TRHDE: variants seen among roughly 807,000 people sequenced by gnomAD.
The protein encoded by TRHDE is thyrotropin releasing hormone degrading enzyme.
A neutral mutation model predicts 125.7 loss-of-function variants in TRHDE; 72 were observed. That is an observed-to-expected ratio of 0.57 (90% CI 0.47 to 0.70). The LOEUF is 0.70. Among genes scored for constraint, TRHDE ranks in the 30% least tolerant of loss-of-function variants. The probability of loss-of-function intolerance (pLI) is 0.00; values close to 1 mark genes in which losing one functional copy is unlikely to be tolerated. For synonymous variants in TRHDE, 509 were observed against 509.1 expected, an observed-to-expected ratio of 1.00 and a Z score of 0.00; for missense variants, 1,110 against 1,327.1, an observed-to-expected ratio of 0.84 and a Z score of 2.54.
At chr12:72,224,858 A>G (rs1157772957) in intron 2 of TRHDE, among the ~76,000 whole-genome samples, 3 of 152,184 alleles carry the variant, frequency 2.0e-5, no homozygotes, top group African/African-American at 7.2e-5. Flanking sequence ...ATGCAACTAC[A>G]CAAATAGTTA....
intron 15 of TRHDE, among the ~76,000 whole-genome samples, chr12:72,641,162 A>T (rs1040235645): frequency 4.6e-5 from 7 of 152,210 alleles, no homozygotes; most frequent in African/African-American, 1.7e-4. Flanking sequence ...TTAGAAATAG[A>T]CTTATGTCAT....
chr12:72,643,202 G>A (rs1874140203), intron 15 of TRHDE, among the ~76,000 whole-genome samples: 1 of 152,124 alleles, frequency 6.6e-6, no homozygotes, highest in Non-Finnish European at 1.5e-5. Flanking sequence ...CTATGCAATT[G>A]TACCTATTAG....
At chr12:72,260,991 A>T (rs1183130014) in intron 2 of TRHDE, among the ~76,000 whole-genome samples, 1 of 152,192 alleles carries the variant, frequency 6.6e-6, no homozygotes, top group Non-Finnish European at 1.5e-5. Context: ...CACAAGGCTT[A>T]CACCAAGTTA....
intron 2 of TRHDE, among the ~76,000 whole-genome samples, chr12:72,223,717 T>C (rs2730665): frequency 0.76 from 115,858 of 151,936 alleles, 44,460 homozygotes; most frequent in Non-Finnish European, 0.79. Context: ...AATAATTGAC[T>C]TCAAACATGC....
intron 2 of TRHDE, among the ~76,000 whole-genome samples, chr12:72,287,859 A>T (rs7313633): frequency 0.097 from 14,742 of 151,788 alleles, 2,216 homozygotes; most frequent in African/African-American, 0.32. Context: ...TGAATTAACA[A>T]TTTTTTCCTA....
At chr12:72,463,628 T>C (rs1876229165) in intron 3 of TRHDE, among the ~76,000 whole-genome samples, 1 of 152,172 alleles carries the variant, frequency 6.6e-6, no homozygotes, top group Admixed American at 6.5e-5. Flanking sequence ...AGCTGGAGGA[T>C]ACCAGACTCT....
intron 2 of TRHDE, among the ~76,000 whole-genome samples, chr12:72,338,610 T>C (rs1869939140): frequency 6.6e-6 from 1 of 152,156 alleles, no homozygotes. Context: ...TTCTTCTACT[T>C]CACAAGGCTA....
At chr12:72,192,685 T>TA (rs1877364618) in intron 2 of TRHDE, among the ~76,000 whole-genome samples, 1 of 152,052 alleles carries the variant, frequency 6.6e-6, no homozygotes, top group Non-Finnish European at 1.5e-5. Flanking sequence ...AGTTTTTTTT[T>TA]AAAAATCTCC....
At chr12:72,512,279 C>A (rs1378423419) in intron 6 of TRHDE, among the ~76,000 whole-genome samples, 1 of 151,042 alleles carries the variant, frequency 6.6e-6, no homozygotes, top group African/African-American at 2.4e-5. Flanking sequence ...ATGCAAAAAG[C>A]TTAGTTCTAA....
At chr12:72,580,769 TTC>T (rs1871188680) in intron 12 of TRHDE, among the ~76,000 whole-genome samples, 1 of 152,258 alleles carries the variant, frequency 6.6e-6, no homozygotes, top group Admixed American at 6.5e-5. Context: ...GTTTGTTTGT[TTC>T]GATAAAGCAT....
chr12:72,239,371 G>A (rs1878429659), intron 2 of TRHDE, among the ~76,000 whole-genome samples: 1 of 152,052 alleles, frequency 6.6e-6, no homozygotes, highest in Non-Finnish European at 1.5e-5. Flanking sequence ...CTTTTGCTGT[G>A]CTGAAGCTCT....
chr12:72,513,678 T>G (rs1471702635), intron 6 of TRHDE, among the ~76,000 whole-genome samples: 1 of 152,106 alleles, frequency 6.6e-6, no homozygotes, highest in Admixed American at 6.6e-5. Flanking sequence ...TACAACATAC[T>G]GTTACCTTGA....
At chr12:72,614,362 G>A (rs1004919521) in intron 12 of TRHDE, among the ~76,000 whole-genome samples, 2 of 134,848 alleles carry the variant, frequency 1.5e-5, no homozygotes, top group African/African-American at 5.9e-5. Flanking sequence ...GATCAAATTA[G>A]CTGTTGGTTG....
intron 2 of TRHDE, among the ~76,000 whole-genome samples, chr12:72,244,828 G>T (rs989405672): frequency 2.0e-5 from 3 of 151,996 alleles, no homozygotes; most frequent in Non-Finnish European, 2.9e-5. Context: ...AGAACTTGTT[G>T]ATCAAATTAT....
At chr12:72,112,435 T>C (rs1875337745) in intron 2 of TRHDE, among the ~76,000 whole-genome samples, 1 of 152,208 alleles carries the variant, frequency 6.6e-6, no homozygotes, top group Non-Finnish European at 1.5e-5. Context: ...AAAATATGTG[T>C]ACACTCACAG....
intron 12 of TRHDE, among the ~76,000 whole-genome samples, chr12:72,578,221 G>C (rs1383987337): frequency 1.3e-5 from 2 of 152,150 alleles, no homozygotes; most frequent in Non-Finnish European, 1.5e-5. Flanking sequence ...CAATGAACCA[G>C]TGGAGTGGGT....
intron 2 of TRHDE, among the ~76,000 whole-genome samples, chr12:72,301,648 A>G (rs1392031985): frequency 6.6e-6 from 1 of 152,204 alleles, no homozygotes; most frequent in Admixed American, 6.5e-5. Flanking sequence ...TCTCCTATAC[A>G]GAATGGAGAT....
chr12:72,562,910 C>T lies in TRHDE; in HGVS notation c.1912C>T (p.Leu638Phe), dbSNP rs1565791277. Residue 638 changes from leucine to phenylalanine, a missense_variant, in exon 9 of 19, where the codon CTC (leucine) becomes TTC (phenylalanine). By Grantham distance (22) the Leu-to-Phe change is conservative (BLOSUM62 0). Around this residue, in one of 5 missense-constraint regions of TRHDE, gnomAD observed 527 missense variants for 651.8 expected, o/e 0.81. Transcript: ENST00000261180. Reference protein sequence around the residue: ...NIQEVMDQWTLQMGYPVITIL... With the variant: ...NIQEVMDQWTFQMGYPVITIL... ...ACAAGAAGTAATGGATCAGTGGACA[C>T]TCCAGATGGGTTATCCTGTTATCAC... 1 of 1,610,302 alleles carries T rather than the reference C, an allele frequency of 6.2e-7. No homozygotes were observed. Among genetic ancestry groups the T allele is most frequent in the Non-Finnish European group, 8.5e-7 (1 of 1,178,604 alleles).
intron 2 of TRHDE, among the ~76,000 whole-genome samples, chr12:72,347,917 G>A (rs946387174): frequency 1.3e-5 from 2 of 151,956 alleles, no homozygotes; most frequent in African/African-American, 2.4e-5. Flanking sequence ...AAAAGGAGAG[G>A]ATTACAGAAG....
Sources: gnomAD v4.1 joint callset for allele counts (sites outside exome capture counted in the v4.1 genomes callset) on GRCh38, gnomAD v4.1.1 for gene constraint, gnomAD v4.1.1 regional missense constraint, MANE v1.5 for transcripts, NCBI Gene and HGNC (gene_info 2026-07-23, HGNC 2026-07-21) for gene names.